The following DISP1 variants were observed in gnomAD, a reference collection of about 807,000 sequenced individuals.
DISP1 encodes the protein protein dispatched homolog 1.
Under a neutral mutation model 37.3 loss-of-function variants are expected in DISP1, and 30 were observed. That is an observed-to-expected ratio of 0.80 (90% CI 0.60 to 1.09). The LOEUF (loss-of-function observed/expected upper bound fraction) is 1.09. Ranked by LOEUF, DISP1 falls within the 50% of genes least tolerant of loss-of-function variation. The pLI, the probability that DISP1 is intolerant of heterozygous loss-of-function variation, is 0.00. For missense variants in DISP1, 1,598 were observed against 1,879.5 expected (o/e 0.85, Z 2.77); for synonymous variants, 634 against 690.2 (o/e 0.92, Z 1.28).
intron 4 of DISP1, 137 bp downstream of exon 4, chr1:222,983,246 G>A: frequency 4.0e-6 from 3 of 754,628 alleles, no homozygotes; most frequent in Admixed American, 2.3e-5. Context: ...AATGTCCCAT[G>A]AGTTGGCTGC....
chr1:222,822,662 T>C (rs1663229201), intron 1 of DISP1, among the ~76,000 whole-genome samples: 1 of 152,240 alleles, frequency 6.6e-6, no homozygotes, highest in South Asian at 2.1e-4. Context: ...TATAAGGTTT[T>C]CTGTTTTACA....
chr1:222,889,732 C>T (rs189656833), intron 1 of DISP1, among the ~76,000 whole-genome samples: 26 of 152,164 alleles, frequency 1.7e-4, no homozygotes, highest in Non-Finnish European at 2.6e-4. Flanking sequence ...AGCATTACTG[C>T]AGTAATATAA....
intron 1 of DISP1, among the ~76,000 whole-genome samples, chr1:222,919,395 A>T (rs1672685852): frequency 6.6e-6 from 1 of 152,162 alleles, no homozygotes; most frequent in Non-Finnish European, 1.5e-5. Flanking sequence ...AATAATGTGA[A>T]CCTGTGATCA....
intron 3 of DISP1, among the ~76,000 whole-genome samples, chr1:222,953,827 AT>A (rs1370670742): frequency 6.6e-6 from 1 of 152,184 alleles, no homozygotes; most frequent in Admixed American, 6.5e-5. Flanking sequence ...AAATGAACAG[AT>A]TTTAGAGTGT....
intron 4 of DISP1, among the ~76,000 whole-genome samples, chr1:222,988,504 A>C (rs1034973623): frequency 6.6e-6 from 1 of 152,162 alleles, no homozygotes; most frequent in Non-Finnish European, 1.5e-5. Flanking sequence ...TATGTAAAGC[A>C]CAAGAGCAAC....
chr1:222,902,315 C>T (rs1479861581), intron 1 of DISP1, among the ~76,000 whole-genome samples: 2 of 152,192 alleles, frequency 1.3e-5, no homozygotes, highest in East Asian at 3.9e-4. Context: ...TTTCCCTCTA[C>T]ACACTGCTTT....
At chr1:222,936,478 T>C (rs1291912623) in intron 2 of DISP1, among the ~76,000 whole-genome samples, 11 of 149,692 alleles carry the variant, frequency 7.3e-5, no homozygotes, top group African/African-American at 2.7e-4. Flanking sequence ...CATCTAATCA[T>C]ATGAACTCTG....
intron 1 of DISP1, among the ~76,000 whole-genome samples, chr1:222,924,399 A>AG (rs1250810203): frequency 2.0e-5 from 3 of 152,160 alleles, no homozygotes; most frequent in East Asian, 1.9e-4. Flanking sequence ...TTTGTAGATA[A>AG]GGAGACTGTA....
At chr1:222,977,162 T>C (rs1430443530) in intron 3 of DISP1, among the ~76,000 whole-genome samples, 1 of 151,976 alleles carries the variant, frequency 6.6e-6, no homozygotes, top group African/African-American at 2.4e-5. Flanking sequence ...CCTGAGTAGC[T>C]GGGATTACAT....
At chr1:222,916,348 G>A (rs1672493621) in intron 1 of DISP1, among the ~76,000 whole-genome samples, 1 of 152,204 alleles carries the variant, frequency 6.6e-6, no homozygotes, top group Non-Finnish European at 1.5e-5. Context: ...CCACACCCAG[G>A]AGGTTCATTC....
At chr1:222,836,969 T>C in intron 1 of DISP1, 1 of 398,110 alleles carries the variant, frequency 2.5e-6, no homozygotes, top group East Asian at 3.6e-5. Context: ...TATACTCCAG[T>C]AGCCATTCTG....
At chr1:222,982,982 AG>A (rs1335633122) in intron 3 of DISP1, 97 bp from the exon 4 acceptor site, 9 of 892,842 alleles carry the variant, frequency 1.0e-5, no homozygotes, top group Non-Finnish European at 1.6e-5. Context: ...AGAGATAACA[AG>A]TAAAATGTTC....
chr1:222,965,958 A>T (rs1676446909), intron 3 of DISP1, among the ~76,000 whole-genome samples: 1 of 152,072 alleles, frequency 6.6e-6, no homozygotes, highest in Non-Finnish European at 1.5e-5. Flanking sequence ...ACTTGAGCCC[A>T]AGAGATCAAG....
intron 1 of DISP1, among the ~76,000 whole-genome samples, chr1:222,860,119 C>T (rs1000452181): frequency 1.3e-5 from 2 of 152,160 alleles, no homozygotes; most frequent in African/African-American, 4.8e-5. Flanking sequence ...TGCAATGGCA[C>T]GATCTCGGCT....
At chr1:222,865,044 T>A (rs1307313892) in intron 1 of DISP1, among the ~76,000 whole-genome samples, 17 of 152,046 alleles carry the variant, frequency 1.1e-4, no homozygotes, top group Admixed American at 1.1e-3. Context: ...TTGTTTTGTT[T>A]TTTTTTCCTT....
intron 1 of DISP1, among the ~76,000 whole-genome samples, chr1:222,904,805 A>G (rs1351968578): frequency 6.6e-6 from 1 of 152,016 alleles, no homozygotes; most frequent in East Asian, 1.9e-4. Context: ...TGACCTCATG[A>G]TCTGCCCACC....
chr1:222,932,321 A>G (rs1375922628), intron 2 of DISP1, among the ~76,000 whole-genome samples: 1 of 151,928 alleles, frequency 6.6e-6, no homozygotes, highest in East Asian at 1.9e-4. Context: ...CCCTTTTATC[A>G]TAATTTTTTT....
intron 1 of DISP1, among the ~76,000 whole-genome samples, chr1:222,817,453 A>G (rs1307311036): frequency 6.6e-6 from 1 of 152,114 alleles, no homozygotes; most frequent in Non-Finnish European, 1.5e-5. Context: ...TTGGTTATCA[A>G]TTTTCTGATT....
Position 222,977,548 on chromosome 1 carries a change from T to TA in DISP1, c.510-5531dup, listed in dbSNP as rs199936605. Among the ~76,000 whole-genome samples, 8 of 118,446 alleles carry TA rather than the reference T, an allele frequency of 6.8e-5. No homozygotes were observed. The East Asian group carries it at 1.4e-3, about 20-fold the overall frequency. The allele number at this position is 118,446 out of a possible 152,430, so 77.7% of individuals were successfully genotyped here. ...TTTTTTAAATTCTTTTTTTTTTTTT[T>TA]ATTATACTTTAAGTCTTAGGTATAT... On this transcript the variant is annotated intron_variant, in intron 3 of 8. Coordinates refer to ENST00000675850, the MANE Select transcript of DISP1 (RefSeq NM_001377229.1).
Sources: gnomAD v4.1 joint callset for allele counts (sites outside exome capture counted in the v4.1 genomes callset) on GRCh38, gnomAD v4.1.1 for gene constraint, MANE v1.5 for transcripts, NCBI Gene and HGNC (gene_info 2026-07-23, HGNC 2026-07-21) for gene names.